Variants in CCSER2 observed in about 807,000 individuals in gnomAD.
The protein encoded by CCSER2 is coiled-coil serine rich protein 2, also known as serine-rich coiled-coil domain-containing protein 2.
A neutral mutation model predicts 92.3 loss-of-function variants in CCSER2; 46 were observed. The observed-to-expected ratio is 0.50, with a 90% CI of 0.39 to 0.64. The LOEUF is 0.64. Among genes scored for constraint, CCSER2 ranks in the 30% least tolerant of loss-of-function variants. The pLI is 0.00. For synonymous variants in CCSER2, 433 were observed against 431.4 expected, an observed-to-expected ratio of 1.00 and a Z score of -0.04; for missense variants, 1,244 against 1,238.9, an observed-to-expected ratio of 1.00 and a Z score of -0.06.
intron 8 of CCSER2, among the ~76,000 whole-genome samples, chr10:84,475,739 T>C (rs915015247): frequency 2.0e-5 from 3 of 152,218 alleles, no homozygotes; most frequent in African/African-American, 7.2e-5. Flanking sequence ...TTTTAAATTA[T>C]CTTTTCTGTT....
chr10:84,491,899 T>G (rs952393057), intron 9 of CCSER2, among the ~76,000 whole-genome samples: 8 of 152,166 alleles, frequency 5.3e-5, no homozygotes, highest in Admixed American at 1.3e-4. Context: ...CTACATGCTT[T>G]CTTAGATTTC....
chr10:84,334,623 A>G (rs908162346), intron 1 of CCSER2, among the ~76,000 whole-genome samples: 2 of 152,194 alleles, frequency 1.3e-5, no homozygotes, highest in African/African-American at 2.4e-5. Flanking sequence ...TAGTTTCAGT[A>G]TAGTTGGATC....
intron 4 of CCSER2, among the ~76,000 whole-genome samples, chr10:84,418,541 A>C (rs1451161943): frequency 6.6e-6 from 1 of 152,160 alleles, no homozygotes; most frequent in African/African-American, 2.4e-5. Flanking sequence ...AAATCTGAGA[A>C]TTTCCTGTCA....
At chr10:84,455,378 T>G in intron 6 of CCSER2, 1 of 177,396 alleles carries the variant, frequency 5.6e-6, no homozygotes, top group South Asian at 1.3e-4. Flanking sequence ...AGGGTTCAAG[T>G]GATTCTCCTG....
intron 6 of CCSER2, among the ~76,000 whole-genome samples, chr10:84,443,447 C>A (rs1448955850): frequency 6.6e-6 from 1 of 152,146 alleles, no homozygotes; most frequent in African/African-American, 2.4e-5. Flanking sequence ...AATGAGATAC[C>A]ATCTCATGCC....
intron 5 of CCSER2, among the ~76,000 whole-genome samples, chr10:84,428,446 C>A (rs954474799): frequency 6.6e-6 from 1 of 152,204 alleles, no homozygotes; most frequent in African/African-American, 2.4e-5. Flanking sequence ...CCTCTGCTTA[C>A]CTCCTGCTGT....
intron 1 of CCSER2, among the ~76,000 whole-genome samples, chr10:84,370,308 A>G (rs1277112183): frequency 1.3e-5 from 2 of 152,146 alleles, no homozygotes; most frequent in African/African-American, 4.8e-5. Flanking sequence ...GATTTCTTTC[A>G]GAAGTGTTTT....
At chr10:84,419,957 TA>T (rs1347476868) in intron 4 of CCSER2, among the ~76,000 whole-genome samples, 1 of 152,192 alleles carries the variant, frequency 6.6e-6, no homozygotes, top group Non-Finnish European at 1.5e-5. Context: ...TGGAAAGTTA[TA>T]GGGGAAGAAT....
At position 84,369,710 on chromosome 10, in the gene CCSER2, C is replaced by T. The variant is rs140296532; in HGVS notation, c.-39-1304C>T. Among the ~76,000 whole-genome samples, 143 of 152,048 alleles carry T rather than the reference C, an allele frequency of 9.4e-4. 1 individual carries two copies. In the East Asian group the frequency reaches 0.023, roughly 25 times the overall value. ...TTGCATTTGCTTTTTGTGTCTTAGTCGTAAATTCTTTGCCTAGACCAATAT... is the reference window on the plus strand; with the variant it reads ...TTGCATTTGCTTTTTGTGTCTTAGTTGTAAATTCTTTGCCTAGACCAATAT... On this transcript the variant is annotated intron_variant, in intron 1 of 9. Coordinates refer to ENST00000372088, the MANE Select transcript of CCSER2 (RefSeq NM_001284240.2).
chr10:84,457,408 T>TC lies in CCSER2; in HGVS notation c.2065-6525_2065-6524insC, dbSNP rs1400829643. ...ATATATATTTATTTAAATATATATT[T>TC]TAAAAAATATATTTAAAATTATATT... is the stretch of plus-strand genomic sequence containing the variant. On this transcript the variant is annotated intron_variant, in intron 6 of 9. Transcript: ENST00000372088. Among the ~76,000 whole-genome samples, 13 of 74,436 alleles carry TC rather than the reference T, an allele frequency of 1.7e-4. No homozygotes were observed. The East Asian group carries it at 4.3e-3, about 25-fold the overall frequency. The allele number at this position is 74,436 out of a possible 152,430, so 48.8% of individuals were successfully genotyped here.
chr10:84,430,043 C>G (rs939707554), intron 5 of CCSER2, among the ~76,000 whole-genome samples: 1 of 151,932 alleles, frequency 6.6e-6, no homozygotes, highest in Non-Finnish European at 1.5e-5. Flanking sequence ...GATTAGTGGT[C>G]AGCTAATGGT....
intron 9 of CCSER2, chr10:84,499,852 CT>C: frequency 6.2e-7 from 1 of 1,613,176 alleles, no homozygotes; most frequent in African/African-American, 1.3e-5. Context: ...TTATACCTCC[CT>C]ACCCCATCTC....
chr10:84,336,528 G>GGA (rs1304813980), intron 1 of CCSER2, among the ~76,000 whole-genome samples: 2 of 152,300 alleles, frequency 1.3e-5, no homozygotes, highest in East Asian at 3.9e-4. Flanking sequence ...GCAGATATTA[G>GGA]GAGAGAGAGA....
intron 9 of CCSER2, among the ~76,000 whole-genome samples, chr10:84,481,036 A>T (rs1847426566): frequency 6.6e-6 from 1 of 152,186 alleles, no homozygotes; most frequent in South Asian, 2.1e-4. Flanking sequence ...ACAGGCTTAT[A>T]CTACCACCAA....
chr10:84,422,351 A>ATT (rs1471527855), intron 4 of CCSER2, among the ~76,000 whole-genome samples: 1 of 152,202 alleles, frequency 6.6e-6, no homozygotes, highest in African/African-American at 2.4e-5. Context: ...TAAGGTTGAT[A>ATT]TTTTAGTGCC....
rs761792569 is a variant in CCSER2 at position 84,417,781 on chromosome 10, A to G, written c.1625A>G (p.Asn542Ser). 6.5e-7 allele frequency: 1 copy of G among 1,544,378 alleles called. No individual in the cohort carries two copies. Among genetic ancestry groups the G allele is most frequent in the South Asian group, 1.1e-5 (1 of 89,644 alleles). The part of the protein sequence containing the change: ...SSEMNSIDIL[N>S]NLESCDLEDD... Reference sequence around the variant, plus strand: ...TGCTTTTGTTCACAGGATATTTTGAATAATCTTGAATCATGTGACCTTGAG... The same window carrying G: ...TGCTTTTGTTCACAGGATATTTTGAGTAATCTTGAATCATGTGACCTTGAG... The change falls in exon 4 of 10, where the codon AAT becomes AGT. Residue 542 changes from asparagine (N) to serine (S), a missense_variant. Asn to Ser is a conservative substitution (Grantham distance 46). Coordinates refer to ENST00000372088, the MANE Select transcript of CCSER2 (RefSeq NM_001284240.2).
rs148629903 is a variant in CCSER2, at chr10:84,514,233, G to A, written c.3110G>A (p.Arg1037Gln). The change falls in exon 10 of 10, where the codon CGA becomes CAA. Residue 1037 changes from arginine to glutamine, a missense_variant. Coordinates refer to ENST00000372088, the MANE Select transcript of CCSER2 (RefSeq NM_001284240.2). ...TCTGGGGATTGTTTGGCCTCTAATCGATATTCTCGTCTTCCTAAACCAAAG... is the reference window on the plus strand; with the variant it reads ...TCTGGGGATTGTTTGGCCTCTAATCAATATTCTCGTCTTCCTAAACCAAAG... ...LHSGDCLASN[R>Q]YSRLPKPKIH 19 of 1,536,258 alleles carry A rather than the reference G, an allele frequency of 1.2e-5. No homozygotes were observed. The highest frequency in any genetic ancestry group is 8.3e-5 in the South Asian group (7 of 84,016).
chr10:84,374,323 A>G (rs1423248367), intron 3 of CCSER2, among the ~76,000 whole-genome samples: 1 of 152,160 alleles, frequency 6.6e-6, no homozygotes, highest in East Asian at 1.9e-4. Context: ...TCTCAGTGGG[A>G]TAATACAATA....
rs906361285 is a variant in CCSER2 at position 84,480,582 on chromosome 10, G to A, written c.2325+2918G>A. On this transcript the variant is annotated intron_variant, in intron 9 of 9. Coordinates refer to ENST00000372088, the MANE Select transcript of CCSER2 (RefSeq NM_001284240.2). ...AGTAACCTGAGGCCAAAATATGTAC[G>A]TTTAAAAGAGAAGTACTGTAAAGTG... Among the ~76,000 whole-genome samples the A allele has an allele frequency of 1.7e-4, 26 of 151,982 alleles. 1 individual carries two copies. Among genetic ancestry groups the A allele is most frequent in the Non-Finnish European group, 2.1e-4 (14 of 68,008 alleles).
Sources: allele counts gnomAD v4.1 joint callset (sites outside exome capture counted in the v4.1 genomes callset), GRCh38; gene constraint gnomAD v4.1.1; transcripts MANE v1.5; gene names NCBI Gene and HGNC (gene_info 2026-07-23, HGNC 2026-07-21).